Variants in PKIA observed in about 807,000 individuals in gnomAD.
PKIA encodes the protein cAMP-dependent protein kinase inhibitor alpha.
In PKIA, 4 loss-of-function variants were observed where a neutral mutation model predicts 7.6. The ratio of observed to expected loss-of-function variants is 0.52; its 90% CI spans 0.26 to 1.20. The LOEUF is 1.20. Among genes scored for constraint, PKIA ranks in the 50% most tolerant of loss-of-function variants. The pLI, the probability that PKIA is intolerant of heterozygous loss-of-function variation, is 0.13. For missense variants in PKIA, 73 were observed against 86.2 expected, an observed-to-expected ratio of 0.85 and a Z score of 0.61; for synonymous variants, 21 against 30.7, an observed-to-expected ratio of 0.68 and a Z score of 1.04.
chr8:78,526,681 C>G (rs1806243216), intron 1 of PKIA, among the ~76,000 whole-genome samples: 1 of 151,706 alleles, frequency 6.6e-6, no homozygotes, highest in African/African-American at 2.4e-5. Context: ...GAAGAATTTA[C>G]AGAGACCGTG....
At chr8:78,517,718 A>C (rs1585859996) in intron 1 of PKIA, among the ~76,000 whole-genome samples, 1 of 152,304 alleles carries the variant, frequency 6.6e-6, no homozygotes, top group South Asian at 2.1e-4. Context: ...ACTGAGCCCA[A>C]GTGCCTATCC....
At chr8:78,562,736 A>G (rs895184197) in intron 1 of PKIA, among the ~76,000 whole-genome samples, 3 of 151,986 alleles carry the variant, frequency 2.0e-5, no homozygotes, top group Admixed American at 6.6e-5. Context: ...TCACTTGTCA[A>G]TTTGTTTACT....
intron 1 of PKIA, among the ~76,000 whole-genome samples, chr8:78,564,398 A>G (rs1807357812): frequency 1.3e-5 from 2 of 152,006 alleles, no homozygotes; most frequent in Admixed American, 1.3e-4. Flanking sequence ...AGAAAATACA[A>G]TTAGTATTTT....
At chr8:78,557,774 C>A (rs1807177985) in intron 1 of PKIA, among the ~76,000 whole-genome samples, 1 of 152,122 alleles carries the variant, frequency 6.6e-6, no homozygotes, top group Non-Finnish European at 1.5e-5. Context: ...AACTTCAATT[C>A]CAGTTAAAGT....
intron 2 of PKIA, among the ~76,000 whole-genome samples, chr8:78,590,309 A>T (rs1274840412): frequency 6.6e-6 from 1 of 151,970 alleles, no homozygotes; most frequent in East Asian, 1.9e-4. Context: ...AAAAGAAAAA[A>T]ATTGCGTGGA....
chr8:78,547,554 T>C (rs913081136), intron 1 of PKIA, among the ~76,000 whole-genome samples: 1 of 152,184 alleles, frequency 6.6e-6, no homozygotes, highest in Non-Finnish European at 1.5e-5. Flanking sequence ...TCTACCAAAA[T>C]CATTCTGTAA....
chr8:78,526,553 T>C (rs1163294816), intron 1 of PKIA, among the ~76,000 whole-genome samples: 1 of 152,066 alleles, frequency 6.6e-6, no homozygotes, highest in East Asian at 1.9e-4. Context: ...TTGTTTCCAA[T>C]ATGCAACTAT....
chr8:78,561,106 G>A (rs1439573719), intron 1 of PKIA, among the ~76,000 whole-genome samples: 1 of 152,094 alleles, frequency 6.6e-6, no homozygotes, highest in Non-Finnish European at 1.5e-5. Flanking sequence ...TGCATCTGCT[G>A]GTAGATCTTT....
chr8:78,530,414 T>A (rs1174897175), intron 1 of PKIA, among the ~76,000 whole-genome samples: 1 of 152,032 alleles, frequency 6.6e-6, no homozygotes, highest in East Asian at 1.9e-4. Context: ...TAGTTATAAA[T>A]TCACTTACAA....
At position 78,604,904 on chromosome 8, in the gene PKIA, A is replaced by G. The variant is rs575252508; in HGVS notation, c.*3083A>G. On this transcript the variant is annotated 3_prime_UTR_variant, in exon 4 of 4. Coordinates refer to ENST00000396418, the MANE Select transcript of PKIA (RefSeq NM_006823.4). ...TTAGATAATACTCCCAGAACAGCCA[A>G]TGGTAAATGCCCTATACTTGAGTCT... 1 of 152,162 alleles carries G rather than the reference A, an allele frequency of 6.6e-6. No homozygotes were observed. The highest frequency in any genetic ancestry group is 2.1e-4 in the South Asian group (1 of 4,830). 9.4% of individuals were successfully genotyped at this position (152,162 alleles called of 1,614,324 possible).
intron 2 of PKIA, among the ~76,000 whole-genome samples, chr8:78,580,636 A>T (rs1044956173): frequency 2.0e-5 from 3 of 152,066 alleles, no homozygotes; most frequent in Non-Finnish European, 4.4e-5. Flanking sequence ...ACCACTCAAT[A>T]CAGATAGTTA....
chr8:78,525,843 A>G (rs987081948), intron 1 of PKIA, among the ~76,000 whole-genome samples: 1 of 151,964 alleles, frequency 6.6e-6, no homozygotes, highest in South Asian at 2.1e-4. Flanking sequence ...ACTTATGTCT[A>G]GATCATGTTT....
rs1286078395 is a variant in PKIA at position 78,527,346 on chromosome 8, CAT to C, written c.-157+10881_-157+10882del. Among the ~76,000 whole-genome samples, 5 of 152,046 alleles carry C rather than the reference CAT, an allele frequency of 3.3e-5. No individual in the cohort carries two copies. In the East Asian group the frequency reaches 7.7e-4, roughly 24 times the overall value. On this transcript the variant is annotated intron_variant, in intron 1 of 3. Coordinates refer to ENST00000396418, the MANE Select transcript of PKIA (RefSeq NM_006823.4). The stretch of plus-strand genomic sequence containing the variant: ...CATACAAGTATACACATATATTACA[CAT>C]ATTTTATGTATATTATAAACTATAA...
At chr8:78,564,263 A>C (rs1807354730) in intron 1 of PKIA, among the ~76,000 whole-genome samples, 1 of 152,024 alleles carries the variant, frequency 6.6e-6, no homozygotes, top group Admixed American at 6.6e-5. Flanking sequence ...CAGTCTTGGA[A>C]GCCCATTTGT....
chr8:78,570,067 T>G (rs941663091), intron 1 of PKIA, among the ~76,000 whole-genome samples: 6 of 152,078 alleles, frequency 3.9e-5, no homozygotes, highest in Admixed American at 3.9e-4. Flanking sequence ...AACATCCATA[T>G]CATCAAACTC....
At chr8:78,565,614 A>T (rs1411033730) in intron 1 of PKIA, among the ~76,000 whole-genome samples, 1 of 151,860 alleles carries the variant, frequency 6.6e-6, no homozygotes, top group Non-Finnish European at 1.5e-5. Flanking sequence ...TGCTCTTGCT[A>T]TTTCTCAGTA....
intron 1 of PKIA, among the ~76,000 whole-genome samples, chr8:78,524,055 T>G (rs1490072333): frequency 7.9e-6 from 1 of 126,450 alleles, no homozygotes; most frequent in East Asian, 2.0e-4. Flanking sequence ...TAAATATATA[T>G]AAACATTTAT....
At chr8:78,523,952 T>A (rs1395468410) in intron 1 of PKIA, among the ~76,000 whole-genome samples, 3 of 97,494 alleles carry the variant, frequency 3.1e-5, no homozygotes, top group Non-Finnish European at 6.1e-5. Flanking sequence ...ACATTTATAT[T>A]TATATATAAA....
chr8:78,588,260 C>T (rs1375169236), intron 2 of PKIA, among the ~76,000 whole-genome samples: 1 of 152,094 alleles, frequency 6.6e-6, no homozygotes, highest in Non-Finnish European at 1.5e-5. Context: ...GCGGGTGGAT[C>T]ACCTGAGGTC....
Sources: allele counts gnomAD v4.1 joint callset (sites outside exome capture counted in the v4.1 genomes callset), GRCh38; gene constraint gnomAD v4.1.1; transcripts MANE v1.5; gene names NCBI Gene and HGNC (gene_info 2026-07-23, HGNC 2026-07-21).